The following INTS9 variants were observed in gnomAD, a reference collection of about 807,000 sequenced individuals.
The protein encoded by INTS9 is integrator complex subunit 9, also known as protein related to CPSF subunits of 74 kDa.
INTS9 carries 55 observed loss-of-function variants against 79.7 expected under a neutral mutation model. That is an observed-to-expected ratio of 0.69 (90% confidence interval 0.56 to 0.86). INTS9 has a LOEUF of 0.86. Ranked by LOEUF, INTS9 falls within the 40% of genes least tolerant of loss-of-function variation. The pLI is 0.00. For missense variants in INTS9, 721 were observed against 831.5 expected (o/e 0.87, Z 1.64); for synonymous variants, 319 against 325.2 (o/e 0.98, Z 0.20).
intron 8 of INTS9, among the ~76,000 whole-genome samples, chr8:28,806,549 T>G (rs1804826503): frequency 6.6e-6 from 1 of 152,138 alleles, no homozygotes; most frequent in Non-Finnish European, 1.5e-5. Flanking sequence ...TATAGAAATA[T>G]TTTACCCAAC....
chr8:28,801,206 G>A (rs1231198973), intron 8 of INTS9, among the ~76,000 whole-genome samples: 2 of 152,146 alleles, frequency 1.3e-5, no homozygotes, highest in Non-Finnish European at 2.9e-5. Context: ...AATTTGATTC[G>A]GCTGGGCACG....
At chr8:28,835,454 G>A in intron 5 of INTS9, 76 bp from the exon 6 acceptor site, 1 of 882,404 alleles carries the variant, frequency 1.1e-6, no homozygotes, top group South Asian at 2.2e-5. Flanking sequence ...CAGTTGGCCA[G>A]GAGAAATGAC....
At chr8:28,777,691 T>TC (rs950143882) in intron 13 of INTS9, 138 bp downstream of exon 13, 2 of 963,158 alleles carry the variant, frequency 2.1e-6, no homozygotes, top group Non-Finnish European at 2.9e-6. Context: ...CTGGCATGTG[T>TC]CCCAGCATTC....
chr8:28,814,135 G>GTT (rs975744922), intron 6 of INTS9, among the ~76,000 whole-genome samples: 7 of 151,284 alleles, frequency 4.6e-5, no homozygotes, highest in Non-Finnish European at 8.8e-5. Flanking sequence ...ACAGAAAAAC[G>GTT]TTTTATCATT....
At chr8:28,826,601 C>G (rs1402304666) in intron 6 of INTS9, among the ~76,000 whole-genome samples, 3 of 152,206 alleles carry the variant, frequency 2.0e-5, no homozygotes, top group Non-Finnish European at 4.4e-5. Flanking sequence ...TGAGGTAGAT[C>G]AAGTGGCTTG....
intron 1 of INTS9, among the ~76,000 whole-genome samples, chr8:28,877,894 C>T (rs903968076): frequency 4.6e-5 from 7 of 152,096 alleles, no homozygotes; most frequent in African/African-American, 1.7e-4. Flanking sequence ...ATTCTAAATG[C>T]TTCCTACAAG....
chr8:28,880,548 C>T (rs1293219096), intron 1 of INTS9, among the ~76,000 whole-genome samples: 3 of 151,694 alleles, frequency 2.0e-5, no homozygotes, highest in Non-Finnish European at 4.4e-5. Context: ...GATGGAGTCT[C>T]GTTCACTCAG....
At chr8:28,804,297 A>G (rs1351407989) in intron 8 of INTS9, among the ~76,000 whole-genome samples, 1 of 152,226 alleles carries the variant, frequency 6.6e-6, no homozygotes, top group African/African-American at 2.4e-5. Context: ...TTGAGAAACT[A>G]AATCAAAACT....
intron 1 of INTS9, among the ~76,000 whole-genome samples, chr8:28,879,692 C>G (rs1809590398): frequency 6.6e-6 from 1 of 152,060 alleles, no homozygotes; most frequent in Non-Finnish European, 1.5e-5. Context: ...CAGGAATAAA[C>G]AAAATGGAGA....
chr8:28,818,407 A>C (rs890803872), intron 6 of INTS9, among the ~76,000 whole-genome samples: 9 of 151,038 alleles, frequency 6.0e-5, no homozygotes, highest in Non-Finnish European at 1.2e-4. Context: ...CTATTGAGAT[A>C]ATCATGTGGT....
intron 8 of INTS9, among the ~76,000 whole-genome samples, chr8:28,797,899 T>C (rs1338803071): frequency 6.6e-6 from 1 of 152,244 alleles, no homozygotes; most frequent in Non-Finnish European, 1.5e-5. Flanking sequence ...ACATCTGCAT[T>C]GTGGTCTCCG....
At chr8:28,801,212 G>C (rs576487448) in intron 8 of INTS9, among the ~76,000 whole-genome samples, 3 of 152,316 alleles carry the variant, frequency 2.0e-5, no homozygotes, top group Non-Finnish European at 4.4e-5. Flanking sequence ...ATTCGGCTGG[G>C]CACGGTGGCT....
intron 7 of INTS9, 63 bp from the exon 8 acceptor site, chr8:28,812,524 C>T (rs1318167509): frequency 1.3e-6 from 2 of 1,539,848 alleles, no homozygotes; most frequent in Non-Finnish European, 1.8e-6. Flanking sequence ...TGAGGTAATT[C>T]TGCAGGGAAA....
In INTS9 at chr8:28,771,173, G is replaced by A. The variant is rs780503870; in HGVS notation, c.1564-93C>T. 3 of 960,400 alleles carry A rather than the reference G, an allele frequency of 3.1e-6. No individual in the cohort carries two copies. The East Asian group carries it at 7.9e-5, about 25-fold the overall frequency. The allele number at this position is 960,400 out of a possible 1,614,324, so 59.5% of individuals were successfully genotyped here. Reference sequence around the variant, plus strand: ...TATTTACATCACTGCAGTCTAAAAAGATGAAATAACTTTAAAGGTAAACAA... The same window carrying A: ...TATTTACATCACTGCAGTCTAAAAAAATGAAATAACTTTAAAGGTAAACAA... On this transcript the variant is annotated intron_variant, in intron 14 of 16. Coordinates refer to ENST00000521022, the MANE Select transcript of INTS9 (RefSeq NM_018250.4).
chr8:28,815,833 A>C (rs1398564335), intron 6 of INTS9, among the ~76,000 whole-genome samples: 1 of 152,288 alleles, frequency 6.6e-6, no homozygotes, highest in East Asian at 1.9e-4. Flanking sequence ...TTCAATTACT[A>C]AATACTATAA....
intron 1 of INTS9, among the ~76,000 whole-genome samples, chr8:28,868,485 T>C (rs1400990331): frequency 1.3e-5 from 2 of 152,148 alleles, no homozygotes; most frequent in African/African-American, 4.8e-5. Flanking sequence ...GTTAATGAAG[T>C]AAGTTGTAAA....
At chr8:28,865,941 T>C (rs1234189283) in intron 1 of INTS9, among the ~76,000 whole-genome samples, 1 of 151,836 alleles carries the variant, frequency 6.6e-6, no homozygotes, top group African/African-American at 2.4e-5. Context: ...GTGACTAAAT[T>C]ATCATTTTTT....
intron 6 of INTS9, among the ~76,000 whole-genome samples, chr8:28,821,241 T>C (rs763404402): frequency 2.0e-5 from 3 of 152,204 alleles, no homozygotes; most frequent in Non-Finnish European, 2.9e-5. Flanking sequence ...ATAGGTTTAA[T>C]TGGACTTACA....
chr8:28,815,756 C>T (rs576733350), intron 6 of INTS9, among the ~76,000 whole-genome samples: 1 of 152,090 alleles, frequency 6.6e-6, no homozygotes, highest in African/African-American at 2.4e-5. Flanking sequence ...AAGCAAGATG[C>T]CACATAAGGG....
Sources: allele counts gnomAD v4.1 joint callset (sites outside exome capture counted in the v4.1 genomes callset), GRCh38; gene constraint gnomAD v4.1.1; transcripts MANE v1.5; gene names NCBI Gene and HGNC (gene_info 2026-07-23, HGNC 2026-07-21).